FSTL5: variants seen among roughly 807,000 people sequenced by gnomAD.
The protein encoded by FSTL5 is follistatin-related protein 5.
Under a neutral mutation model 89.1 loss-of-function variants are expected in FSTL5, and 62 were observed. That is an observed-to-expected ratio of 0.70 (90% CI 0.57 to 0.86). The LOEUF is 0.86. Among genes scored for constraint, FSTL5 ranks in the 40% least tolerant of loss-of-function variants. FSTL5 has a pLI of 0.00. For synonymous variants in FSTL5, 383 were observed against 346.2 expected (o/e 1.11, Z -1.18); for missense variants, 1,057 against 1,001.6 (o/e 1.06, Z -0.75).
chr4:161,419,819 C>T (rs1280126623), intron 15 of FSTL5, among the ~76,000 whole-genome samples: 1 of 152,148 alleles, frequency 6.6e-6, no homozygotes. Flanking sequence ...AGCAGAATTT[C>T]CTATTTCTGC....
intron 8 of FSTL5, among the ~76,000 whole-genome samples, chr4:161,567,347 A>G (rs184938344): frequency 2.0e-5 from 3 of 152,270 alleles, no homozygotes; most frequent in Admixed American, 6.6e-5. Context: ...AGGTGCTTAA[A>G]ATCTAATTAA....
At chr4:161,835,781 A>G (rs868629739) in intron 4 of FSTL5, among the ~76,000 whole-genome samples, 19 of 152,218 alleles carry the variant, frequency 1.2e-4, no homozygotes, top group Admixed American at 2.0e-4. Flanking sequence ...TTAGAATGGC[A>G]ATCATTAAAA....
intron 4 of FSTL5, among the ~76,000 whole-genome samples, chr4:161,830,053 C>T (rs1172910658): frequency 3.3e-5 from 5 of 151,698 alleles, no homozygotes; most frequent in Non-Finnish European, 7.4e-5. Flanking sequence ...GAATAAGAAA[C>T]AAAAAAATAT....
chr4:162,060,649 T>C (rs1738691350), intron 2 of FSTL5, among the ~76,000 whole-genome samples: 1 of 152,052 alleles, frequency 6.6e-6, no homozygotes, highest in Non-Finnish European at 1.5e-5. Flanking sequence ...CTTCTCTGGA[T>C]TGTTATTTGA....
rs75258983 is a variant in FSTL5 at position 161,823,573 on chromosome 4, G to C, written c.410-47499C>G. 4.1e-3 allele frequency among the ~76,000 whole-genome samples: 618 copies of C among 152,340 alleles called. 4 individuals are homozygous for C. Among genetic ancestry groups the C allele is most frequent in the African/African-American group, 0.014 (600 of 41,588 alleles). On this transcript the variant is annotated intron_variant, in intron 4 of 15. Transcript: ENST00000306100. ...AGGGACTTCTGAGCCTGAAGGGGAA[G>C]GGGCTTTGCAGGCCTGCAAGAGTGC...
chr4:161,746,284 T>C lies in FSTL5; in HGVS notation c.727+13127A>G, dbSNP rs73862390. ...CAATATAAATATTCTAAGAATCTTT[T>C]CTAGAAATTGTTAGCCTTATCCATC... On this transcript the variant is annotated intron_variant, in intron 6 of 15. Coordinates refer to ENST00000306100, the MANE Select transcript of FSTL5 (RefSeq NM_020116.5). Among the ~76,000 whole-genome samples, 889 of 152,272 alleles carry C rather than the reference T, an allele frequency of 5.8e-3. 10 individuals are homozygous for C. The highest frequency in any genetic ancestry group is 0.02 in the African/African-American group (842 of 41,566).
chr4:161,911,836 C>T (rs913831685), intron 4 of FSTL5, among the ~76,000 whole-genome samples: 2 of 152,068 alleles, frequency 1.3e-5, no homozygotes, highest in Non-Finnish European at 2.9e-5. Context: ...ATGCTTTTTT[C>T]GTCATTCTGG....
At chr4:161,654,312 A>G (rs1217968709) in intron 7 of FSTL5, among the ~76,000 whole-genome samples, 2 of 152,150 alleles carry the variant, frequency 1.3e-5, no homozygotes, top group Non-Finnish European at 2.9e-5. Context: ...AGCACCCTCA[A>G]ATACACTGGG....
At chr4:161,566,115 T>TATATAC (rs1474698389) in intron 8 of FSTL5, among the ~76,000 whole-genome samples, 1 of 97,676 alleles carries the variant, frequency 1.0e-5, no homozygotes, top group Non-Finnish European at 2.1e-5. Flanking sequence ...TATATATATA[T>TATATAC]ATATATATAT....
At chr4:161,533,968 T>G (rs1429242587) in intron 10 of FSTL5, among the ~76,000 whole-genome samples, 1 of 151,714 alleles carries the variant, frequency 6.6e-6, no homozygotes. Context: ...CAAATATAAT[T>G]AAAAACAAAG....
chr4:161,760,687 C>T (rs961693153), intron 5 of FSTL5, among the ~76,000 whole-genome samples: 2 of 152,128 alleles, frequency 1.3e-5, no homozygotes, highest in African/African-American at 4.8e-5. Context: ...TTAAATAATT[C>T]ACTGCAGACT....
At chr4:161,748,607 T>G (rs1050107331) in intron 6 of FSTL5, among the ~76,000 whole-genome samples, 174 of 9,572 alleles carry the variant, frequency 0.018, no homozygotes, top group African/African-American at 0.052. Context: ...GGGAAGCACG[T>G]TTTTTTTTTT....
chr4:162,151,466 T>C (rs554230385), intron 1 of FSTL5, among the ~76,000 whole-genome samples: 2 of 152,324 alleles, frequency 1.3e-5, no homozygotes, highest in East Asian at 3.9e-4. Flanking sequence ...CAAAAAATGA[T>C]GTTTAAGTCC....
At chr4:161,867,835 A>G (rs1732140147) in intron 4 of FSTL5, among the ~76,000 whole-genome samples, 4 of 151,810 alleles carry the variant, frequency 2.6e-5, no homozygotes, top group Admixed American at 6.6e-5. Context: ...TCAGACATCT[A>G]AGATGGTCAT....
chr4:161,977,636 A>ATAATAAT (rs1487670539), intron 3 of FSTL5, among the ~76,000 whole-genome samples: 30 of 106,166 alleles, frequency 2.8e-4, no homozygotes, highest in East Asian at 1.4e-3. Context: ...AAAAAAAAAA[A>ATAATAAT]AAAAATAATA....
intron 2 of FSTL5, among the ~76,000 whole-genome samples, chr4:162,034,817 A>G (rs1166418750): frequency 3.3e-5 from 5 of 152,180 alleles, no homozygotes; most frequent in African/African-American, 1.2e-4. Flanking sequence ...ATTTGAGAAT[A>G]AAATGCATAA....
chr4:161,784,062 G>A (rs547939414), intron 4 of FSTL5, among the ~76,000 whole-genome samples: 1 of 151,598 alleles, frequency 6.6e-6, no homozygotes, highest in African/African-American at 2.4e-5. Context: ...CAGCCTCTTA[G>A]GTAGCTGGGA....
chr4:161,860,142 G>T (rs928106456), intron 4 of FSTL5, among the ~76,000 whole-genome samples: 4 of 152,136 alleles, frequency 2.6e-5, no homozygotes, highest in South Asian at 4.2e-4. Context: ...CAAAAAATTA[G>T]CCGGGCGTGG....
At chr4:162,008,167 T>TAAAC (rs1736663508) in intron 3 of FSTL5, among the ~76,000 whole-genome samples, 1 of 151,846 alleles carries the variant, frequency 6.6e-6, no homozygotes, top group Non-Finnish European at 1.5e-5. Context: ...TTTAAACTGT[T>TAAAC]TGCCCAGATT....
Sources: gnomAD v4.1 joint callset for allele counts (sites outside exome capture counted in the v4.1 genomes callset) on GRCh38, gnomAD v4.1.1 for gene constraint, MANE v1.5 for transcripts, NCBI Gene and HGNC (gene_info 2026-07-23, HGNC 2026-07-21) for gene names.